The following PKD1L1 variants were observed in gnomAD, a reference collection of about 807,000 sequenced individuals.
PKD1L1 encodes the protein polycystin 1 like 1, transient receptor potential channel interacting, also known as polycystin-1-like protein 1.
In PKD1L1, 236 loss-of-function variants were observed where a neutral mutation model predicts 323.4. The ratio of observed to expected loss-of-function variants is 0.73; its 90% CI spans 0.66 to 0.81. The LOEUF (loss-of-function observed/expected upper bound fraction) is 0.81, where lower values mean the gene tolerates loss of function less well. PKD1L1 is among the 40% of genes least tolerant of loss of function. The pLI is 0.00. For synonymous variants in PKD1L1, 1,344 were observed against 1,335.0 expected (o/e 1.01, Z -0.15); for missense variants, 3,320 against 3,508.0 (o/e 0.95, Z 1.35).
intron 7 of PKD1L1, among the ~76,000 whole-genome samples, chr7:47,919,764 A>G (rs1331382261): frequency 6.6e-6 from 1 of 152,184 alleles, no homozygotes; most frequent in Non-Finnish European, 1.5e-5. Context: ...AAAAACAAAA[A>G]TCACATGATC....
chr7:47,829,655 C>T lies in PKD1L1; in HGVS notation c.6559-54G>A. On this transcript the variant is annotated intron_variant, in intron 43 of 56. Transcript: ENST00000289672. ...AGCCGCCCTATGTCTGTGTTCATTC[C>T]ACACAGAGCTGTCCTCCCGTCCCCT... 5 of 1,504,330 alleles carry T rather than the reference C, an allele frequency of 3.3e-6. No homozygotes were observed. In the South Asian group the frequency reaches 5.1e-5, roughly 15 times the overall value. 93.2% of individuals were successfully genotyped at this position (1,504,330 alleles called of 1,614,324 possible).
intron 32 of PKD1L1, 72 bp downstream of exon 32, chr7:47,846,807 G>T: frequency 7.0e-7 from 1 of 1,423,104 alleles, no homozygotes; most frequent in Non-Finnish European, 9.6e-7. Context: ...GGCTCTAGGG[G>T]TTGGGCCAAA....
At chr7:47,790,913 C>T (rs1051432995) in intron 56 of PKD1L1, among the ~76,000 whole-genome samples, 2 of 151,504 alleles carry the variant, frequency 1.3e-5, no homozygotes, top group African/African-American at 4.8e-5. Flanking sequence ...TTGTTTTTTT[C>T]TTTGGAGAGA....
rs770126102 is a variant in PKD1L1 at position 47,839,283 on chromosome 7, A to C, written c.5769+163T>G. On this transcript the variant is annotated intron_variant, in intron 36 of 56. Coordinates refer to ENST00000289672, the MANE Select transcript of PKD1L1 (RefSeq NM_138295.5). The surrounding 1 kb of genome is among the most constrained non-coding windows in gnomAD (Gnocchi z 4.3). ...TCCATGCTTGGATGGCCACTCAATG[A>C]ATGTATCATTTAATATTTTGATATC... 3.3e-5 allele frequency among the ~76,000 whole-genome samples: 5 copies of C among 152,246 alleles called. No homozygotes were observed. Among genetic ancestry groups the C allele is most frequent in the Non-Finnish European group, 7.3e-5 (5 of 68,044 alleles).
intron 55 of PKD1L1, chr7:47,795,296 T>C (rs1233916267): frequency 4.4e-6 from 2 of 454,066 alleles, no homozygotes; most frequent in South Asian, 3.1e-5. Flanking sequence ...ATGCTATTCT[T>C]GTGATAGTGA....
chr7:47,941,054 C>A (rs778082295), intron 2 of PKD1L1, among the ~76,000 whole-genome samples: 3 of 152,218 alleles, frequency 2.0e-5, no homozygotes, highest in Non-Finnish European at 4.4e-5. Context: ...CTAGACCTGG[C>A]CCTGCACAGA....
chr7:47,871,809 G>A (rs976772892), intron 24 of PKD1L1, among the ~76,000 whole-genome samples: 1 of 152,128 alleles, frequency 6.6e-6, no homozygotes, highest in African/African-American at 2.4e-5. Context: ...ACGACCTCTA[G>A]CTAATATTAA....
At chr7:47,915,687 G>A (rs1043850005) in intron 7 of PKD1L1, 88 bp from the exon 8 acceptor site, 4 of 791,904 alleles carry the variant, frequency 5.1e-6, no homozygotes, top group Non-Finnish European at 7.6e-6. Context: ...CTGAAAGCTA[G>A]TTCTTTAAAT....
At chr7:47,875,965 TA>T in intron 23 of PKD1L1, 131 bp downstream of exon 23, 1 of 925,824 alleles carries the variant, frequency 1.1e-6, no homozygotes, top group Non-Finnish European at 1.5e-6. Context: ...ATAATAAACC[TA>T]AACTGAAAAG....
In PKD1L1 at chr7:47,905,225, A is replaced by C; in HGVS notation, c.1623T>G (p.Tyr541Ter). Reference protein sequence around the residue: ...KETIPLEFEWYFGEDPPVRTT... With the variant: ...KETIPLEFEW The stretch of plus-strand genomic sequence containing the variant: ...TCCTCACTGGTGGATCCTCTCCAAA[A>C]TACCACTCAAATTCCAGGGGTATTG... Residue 541 changes from tyrosine (Y) to a stop codon, truncating the protein, a stop_gained, in exon 11 of 57, where the codon TAT (tyrosine) becomes TAG (stop). Coordinates refer to ENST00000289672, the MANE Select transcript of PKD1L1 (RefSeq NM_138295.5). LOFTEE classifies it high-confidence loss of function. 1 of 1,614,160 alleles carries C rather than the reference A, an allele frequency of 6.2e-7. No homozygotes were observed. Among genetic ancestry groups the C allele is most frequent in the Middle Eastern group, 1.6e-4 (1 of 6,062 alleles).
intron 12 of PKD1L1, among the ~76,000 whole-genome samples, chr7:47,903,147 T>C (rs921051583): frequency 1.3e-5 from 2 of 152,234 alleles, no homozygotes; most frequent in African/African-American, 4.8e-5. Context: ...TTTGCAAATG[T>C]TGCAACATGG....
intron 25 of PKD1L1, 78 bp downstream of exon 25, chr7:47,866,341 T>C: frequency 6.8e-7 from 1 of 1,468,444 alleles, no homozygotes; most frequent in Admixed American, 2.1e-5. Flanking sequence ...GACCACTTGC[T>C]AGTGAGCCAG....
At chr7:47,795,804 G>A (rs1297256654) in intron 55 of PKD1L1, among the ~76,000 whole-genome samples, 185 bp downstream of exon 55, 1 of 152,202 alleles carries the variant, frequency 6.6e-6, no homozygotes, top group Non-Finnish European at 1.5e-5. Flanking sequence ...TCTGTAAAGT[G>A]TTTTAGAATT....
At chr7:47,816,598 A>G (rs1175136300) in intron 46 of PKD1L1, among the ~76,000 whole-genome samples, 2 of 152,234 alleles carry the variant, frequency 1.3e-5, no homozygotes, top group African/African-American at 4.8e-5. Context: ...GCCCTCAGCA[A>G]ACAGAAATGG....
chr7:47,822,594 CAAAAAAAAAAA>C (rs745820560), intron 45 of PKD1L1, among the ~76,000 whole-genome samples: 4 of 71,402 alleles, frequency 5.6e-5, no homozygotes, highest in Non-Finnish European at 7.4e-5. Context: ...GACTCCGTCT[CAAAAAAAAAAA>C]AAAAAAAAAA....
In PKD1L1 at chr7:47,890,618, G is replaced by A. The variant is rs150638179; in HGVS notation, c.2599C>T (p.Leu867=). The A allele has an allele frequency of 5.3e-4, 850 of 1,614,152 alleles. 8 individuals carry two copies. In the African/African-American group the frequency reaches 0.01, roughly 19 times the overall value. ...SDSYDQFLVM[L]RVSSGGRNSS... ...TTCCGGCCACCACTGGAGACCCTCA[G>A]CATCACAAGGAACTGATCATAGCTG... The change falls in exon 16 of 57, where the codon CTG becomes TTG. Residue 867 remains leucine, a synonymous_variant. Coordinates refer to ENST00000289672, the MANE Select transcript of PKD1L1 (RefSeq NM_138295.5).
intron 15 of PKD1L1, among the ~76,000 whole-genome samples, chr7:47,891,867 T>C (rs1469903396): frequency 6.6e-6 from 1 of 152,188 alleles, no homozygotes; most frequent in African/African-American, 2.4e-5. Flanking sequence ...AGTCTGCAGA[T>C]GGCTAAGGGC....
intron 7 of PKD1L1, among the ~76,000 whole-genome samples, chr7:47,917,410 A>G (rs1198990610): frequency 6.6e-6 from 1 of 151,440 alleles, no homozygotes; most frequent in Non-Finnish European, 1.5e-5. Flanking sequence ...TATGTGGGGG[A>G]ATGATTGAGG....
upstream of PKD1L1, among the ~76,000 whole-genome samples, chr7:47,952,177 T>C (rs2128761311): frequency 6.6e-6 from 1 of 152,208 alleles, no homozygotes; most frequent in South Asian, 2.1e-4. Flanking sequence ...TTGGGCAAAT[T>C]TTTGTAATTA....
Sources: gnomAD v4.1 joint callset for allele counts (sites outside exome capture counted in the v4.1 genomes callset) on GRCh38, gnomAD v4.1.1 for gene constraint, Gnocchi (gnomAD v3.1) non-coding constraint, MANE v1.5 for transcripts, NCBI Gene and HGNC (gene_info 2026-07-23, HGNC 2026-07-21) for gene names.